Variants in CMSS1 observed in about 807,000 individuals in gnomAD.
The protein encoded by CMSS1 is cms1 ribosomal small subunit homolog.
CMSS1 carries 33 observed loss-of-function variants against 43.5 expected under a neutral mutation model. That is an observed-to-expected ratio of 0.76 (90% confidence interval 0.57 to 1.01). The LOEUF (loss-of-function observed/expected upper bound fraction) is 1.01, where lower values mean the gene tolerates loss of function less well. CMSS1 is among the 50% of genes least tolerant of loss of function. The pLI is 0.00. For missense variants in CMSS1, 313 were observed against 326.4 expected, an observed-to-expected ratio of 0.96 and a Z score of 0.32; for synonymous variants, 115 against 117.2, an observed-to-expected ratio of 0.98 and a Z score of 0.12.
intron 1 of CMSS1, among the ~76,000 whole-genome samples, chr3:99,876,384 G>A (rs1045421283): frequency 1.6e-5 from 2 of 126,570 alleles, no homozygotes; most frequent in Admixed American, 7.4e-5. Context: ...GGGAATGAGT[G>A]GTGGGCCGGT....
At chr3:99,965,103 G>T (rs1030638262) in intron 1 of CMSS1, among the ~76,000 whole-genome samples, 1 of 152,192 alleles carries the variant, frequency 6.6e-6, no homozygotes, top group Non-Finnish European at 1.5e-5. Context: ...TACCTTGAAA[G>T]ATTACATTGG....
rs80147622 is a variant in CMSS1, at chr3:100,026,434, C to T, written c.65-120539C>T. On this transcript the variant is annotated intron_variant, in intron 1 of 9. Coordinates refer to ENST00000421999, the MANE Select transcript of CMSS1 (RefSeq NM_032359.4). ...GAACCAAAGGGCCAGTGTCTTGTCT[C>T]GATGGGGCAACTGCTTCTCAGCTCC... Among the ~76,000 whole-genome samples, 428 of 152,034 alleles carry T rather than the reference C, an allele frequency of 2.8e-3. 1 individual carries two copies. Among genetic ancestry groups the T allele is most frequent in the African/African-American group, 9.9e-3 (411 of 41,486 alleles).
chr3:100,168,404 A>C (rs890819172), intron 6 of CMSS1, among the ~76,000 whole-genome samples: 1 of 152,166 alleles, frequency 6.6e-6, no homozygotes, highest in African/African-American at 2.4e-5. Context: ...AGTAACAAGA[A>C]AAGACAGAAG....
At chr3:100,105,603 T>A (rs1169177092) in intron 1 of CMSS1, among the ~76,000 whole-genome samples, 1 of 152,158 alleles carries the variant, frequency 6.6e-6, no homozygotes, top group Non-Finnish European at 1.5e-5. Context: ...TGATAAGGTA[T>A]TTCCTAGAGA....
At chr3:100,071,926 T>C (rs2065770378) in intron 1 of CMSS1, among the ~76,000 whole-genome samples, 1 of 152,178 alleles carries the variant, frequency 6.6e-6, no homozygotes, top group Admixed American at 6.5e-5. Context: ...GCTAATTACA[T>C]TTTTACAATT....
intron 1 of CMSS1, among the ~76,000 whole-genome samples, chr3:99,895,821 CCTT>C (rs1285402849): frequency 1.3e-5 from 2 of 152,154 alleles, no homozygotes; most frequent in African/African-American, 4.8e-5. Context: ...ATAGGTGCCT[CCTT>C]AAAAGACTGG....
intron 1 of CMSS1, chr3:99,876,022 G>C: frequency 2.0e-6 from 2 of 983,712 alleles, no homozygotes; most frequent in Non-Finnish European, 1.2e-6. Flanking sequence ...CTACCTGGCT[G>C]TCTGACAGCA....
chr3:99,913,719 G>C (rs1706865372), intron 1 of CMSS1, among the ~76,000 whole-genome samples: 1 of 152,194 alleles, frequency 6.6e-6, no homozygotes, highest in Non-Finnish European at 1.5e-5. Flanking sequence ...TAGGAAGTGA[G>C]AGCAGGGCTA....
At chr3:100,132,010 T>C (rs535241361) in intron 1 of CMSS1, among the ~76,000 whole-genome samples, 14 of 152,364 alleles carry the variant, frequency 9.2e-5, no homozygotes, top group Non-Finnish European at 1.9e-4. Flanking sequence ...ATAGAGATAA[T>C]TTTTCTAAGC....
At chr3:99,839,245 C>T (rs1253241992) in intron 1 of CMSS1, among the ~76,000 whole-genome samples, 1 of 152,174 alleles carries the variant, frequency 6.6e-6, no homozygotes, top group African/African-American at 2.4e-5. Flanking sequence ...GTGTTGAGCT[C>T]TTAGTTACCT....
chr3:99,912,817 G>A (rs1300481284), intron 1 of CMSS1, among the ~76,000 whole-genome samples: 1 of 152,134 alleles, frequency 6.6e-6, no homozygotes, highest in Non-Finnish European at 1.5e-5. Flanking sequence ...GTGAATATTT[G>A]TGTACAGATT....
intron 1 of CMSS1, among the ~76,000 whole-genome samples, chr3:100,003,367 C>A (rs1709897354): frequency 6.6e-6 from 1 of 152,206 alleles, no homozygotes. Context: ...TCAGGGTTTT[C>A]TTCCCTTACG....
intron 1 of CMSS1, among the ~76,000 whole-genome samples, chr3:99,902,177 A>G (rs1043671165): frequency 4.6e-5 from 7 of 152,302 alleles, no homozygotes; most frequent in African/African-American, 1.4e-4. Flanking sequence ...AATTAGTGTA[A>G]CTGACTCTTA....
chr3:99,929,845 G>A lies in CMSS1; in HGVS notation c.64+111802G>A, dbSNP rs540978840. ...TGCCTCCCAGGTACACACCCCTATTGTGGTACATACCTCATTCATTGGTTT... is the reference window on the plus strand; with the variant it reads ...TGCCTCCCAGGTACACACCCCTATTATGGTACATACCTCATTCATTGGTTT... On this transcript the variant is annotated intron_variant, in intron 1 of 9. Transcript: ENST00000421999. 338 of 1,603,412 alleles carry A rather than the reference G, an allele frequency of 2.1e-4. 5 individuals carry two copies. In the South Asian group the frequency reaches 3.6e-3, roughly 17 times the overall value.
intron 1 of CMSS1, among the ~76,000 whole-genome samples, chr3:99,846,706 G>A (rs921441666): frequency 1.3e-5 from 2 of 152,158 alleles, no homozygotes; most frequent in Non-Finnish European, 2.9e-5. Flanking sequence ...ACAAATCCTC[G>A]CTTTACTATC....
intron 1 of CMSS1, among the ~76,000 whole-genome samples, chr3:99,864,910 G>C (rs1191840938): frequency 1.3e-5 from 2 of 152,116 alleles, no homozygotes; most frequent in Non-Finnish European, 2.9e-5. Flanking sequence ...GTGTGTGTAT[G>C]TGCGCACACA....
intron 6 of CMSS1, among the ~76,000 whole-genome samples, chr3:100,169,608 A>G (rs1455084561): frequency 6.6e-6 from 1 of 152,228 alleles, no homozygotes. Context: ...AAGTGGAGAC[A>G]CACATTAAAT....
intron 1 of CMSS1, among the ~76,000 whole-genome samples, chr3:99,896,432 T>G (rs1706255419): frequency 6.6e-6 from 1 of 152,180 alleles, no homozygotes; most frequent in African/African-American, 2.4e-5. Context: ...AGTGTATATA[T>G]TTTCTAGGCT....
chr3:99,833,725 C>T (rs920307809), intron 1 of CMSS1, among the ~76,000 whole-genome samples: 2 of 152,350 alleles, frequency 1.3e-5, no homozygotes, highest in South Asian at 4.1e-4. Flanking sequence ...CACACCTTAG[C>T]TCTAGAGGTT....
Sources: gnomAD v4.1 joint callset for allele counts (sites outside exome capture counted in the v4.1 genomes callset) on GRCh38, gnomAD v4.1.1 for gene constraint, MANE v1.5 for transcripts, NCBI Gene and HGNC (gene_info 2026-07-23, HGNC 2026-07-21) for gene names.